Variants in KIF5A observed in about 807,000 individuals in gnomAD.
KIF5A encodes the protein kinesin heavy chain isoform 5A.
A neutral mutation model predicts 141.3 loss-of-function variants in KIF5A; 35 were observed. That is an observed-to-expected ratio of 0.25 (90% CI 0.19 to 0.33). The LOEUF (loss-of-function observed/expected upper bound fraction) is 0.33, where lower values mean the gene tolerates loss of function less well. Among genes scored for constraint, KIF5A ranks in the 10% least tolerant of loss-of-function variants. KIF5A has a pLI of 1.00. For synonymous variants in KIF5A, 448 were observed against 500.2 expected (o/e 0.90, Z 1.39); for missense variants, 861 against 1,314.3 (o/e 0.66, Z 5.33).
At chr12:57,567,862 G>A (rs1272765604) in intron 8 of KIF5A, among the ~76,000 whole-genome samples, 1 of 151,022 alleles carries the variant, frequency 6.6e-6, no homozygotes, top group Non-Finnish European at 1.5e-5. Context: ...GGATTTCACT[G>A]TGTTGGCCAG....
At chr12:57,565,388 T>A (rs1882034119) in intron 6 of KIF5A, among the ~76,000 whole-genome samples, 1 of 151,786 alleles carries the variant, frequency 6.6e-6, no homozygotes, top group East Asian at 1.9e-4. Context: ...GCCACTGCAC[T>A]CCAGCCTGGG....
rs147627839 is a variant in KIF5A, at chr12:57,562,282, C to G, written c.130-1157C>G. On this transcript the variant is annotated intron_variant, in intron 1 of 28. Coordinates refer to ENST00000455537, the MANE Select transcript of KIF5A (RefSeq NM_004984.4). The stretch of plus-strand genomic sequence containing the variant: ...CCAGGCTGGAGTGCAGTGGCGCAAT[C>G]TTGGCTCACTGCAACCTCCGCCTCC... Among the ~76,000 whole-genome samples, 780 of 152,334 alleles carry G rather than the reference C, an allele frequency of 5.1e-3. 4 individuals carry two copies. Among genetic ancestry groups the G allele is most frequent in the African/African-American group, 0.017 (721 of 41,578 alleles).
intron 19 of KIF5A, 51 bp downstream of exon 19, chr12:57,576,429 C>A: frequency 7.3e-7 from 1 of 1,360,850 alleles, no homozygotes; most frequent in Non-Finnish European, 1.0e-6. Flanking sequence ...TGTCACCTTG[C>A]TGTATTGACT....
intron 1 of KIF5A, among the ~76,000 whole-genome samples, chr12:57,553,177 C>T (rs928358305): frequency 6.6e-6 from 1 of 152,182 alleles, no homozygotes; most frequent in Admixed American, 6.5e-5. Context: ...TCTTTCTCAG[C>T]AGTGTCCCAG....
At chr12:57,567,238 C>T in intron 7 of KIF5A, 25 bp downstream of exon 7, 3 of 1,558,872 alleles carry the variant, frequency 1.9e-6, no homozygotes, top group Non-Finnish European at 1.8e-6. Context: ...AAGGGGATCT[C>T]TCGAGTCTGA....
intron 1 of KIF5A, among the ~76,000 whole-genome samples, chr12:57,558,757 A>G (rs1881821456): frequency 6.6e-6 from 1 of 152,090 alleles, no homozygotes; most frequent in South Asian, 2.1e-4. Context: ...GCACATAAAG[A>G]TTTATCTCAT....
chr12:57,562,806 A>G (rs764710277), intron 1 of KIF5A, among the ~76,000 whole-genome samples: 12 of 152,112 alleles, frequency 7.9e-5, no homozygotes, highest in Non-Finnish European at 1.3e-4. Context: ...ATTGTTCTTC[A>G]ATTTTCATCA....
At chr12:57,564,877 G>T (rs757005842) in intron 5 of KIF5A, 41 bp from the exon 6 acceptor site, 1 of 1,595,020 alleles carries the variant, frequency 6.3e-7, no homozygotes, top group Non-Finnish European at 8.6e-7. Context: ...TGGGGGCGGT[G>T]GAAGTACTAG....
At chr12:57,551,164 G>A (rs1881560697) in intron 1 of KIF5A, among the ~76,000 whole-genome samples, 1 of 152,114 alleles carries the variant, frequency 6.6e-6, no homozygotes, top group South Asian at 2.1e-4. Context: ...CCAATAGAAA[G>A]TAGCCATCCA....
At chr12:57,574,847 T>C (rs1318501653) in intron 15 of KIF5A, among the ~76,000 whole-genome samples, 2 of 152,146 alleles carry the variant, frequency 1.3e-5, no homozygotes, top group African/African-American at 2.4e-5. Flanking sequence ...CCTCCCAAAG[T>C]GCTGAGATTA....
Position 57,564,959 on chromosome 12 carries a change from G to A in KIF5A, c.487G>A (p.Val163Met). ...NLSVHEDKNRVPFVKGCTERF... is the reference protein window; with the variant it reads ...NLSVHEDKNRMPFVKGCTERF... ...GTCCGTGCACGAGGACAAGAACCGGGTGCCATTTGTCAAGGTGAGAGTGGG... is the reference window on the plus strand; with the variant it reads ...GTCCGTGCACGAGGACAAGAACCGGATGCCATTTGTCAAGGTGAGAGTGGG... The change falls in exon 6 of 29, where the codon GTG becomes ATG. Residue 163 changes from valine (V) to methionine (M), a missense_variant. Transcript: ENST00000455537. 1 of 1,614,224 alleles carries A rather than the reference G, an allele frequency of 6.2e-7. No homozygotes were observed. The highest frequency in any genetic ancestry group is 2.2e-5 in the East Asian group (1 of 44,884).
At chr12:57,574,988 C>G in intron 15 of KIF5A, 96 bp from the exon 16 acceptor site, 1 of 1,075,282 alleles carries the variant, frequency 9.3e-7, no homozygotes, top group Non-Finnish European at 1.4e-6. Flanking sequence ...TGAGTCCCTG[C>G]GTATGTGGGT....
chr12:57,563,308 C>A (rs1881967665), intron 1 of KIF5A, 131 bp from the exon 2 acceptor site: 1 of 739,990 alleles, frequency 1.4e-6, no homozygotes. Context: ...CCCGGCCATT[C>A]TCCCACATTT....
intron 5 of KIF5A, 79 bp downstream of exon 5, chr12:57,564,587 T>C: frequency 8.5e-7 from 1 of 1,176,128 alleles, no homozygotes; most frequent in Non-Finnish European, 1.3e-6. Flanking sequence ...TGGAATTAGG[T>C]ACCAATTGAC....
intron 1 of KIF5A, among the ~76,000 whole-genome samples, chr12:57,560,185 C>A (rs974249607): frequency 9.2e-5 from 14 of 152,176 alleles, no homozygotes; most frequent in African/African-American, 3.4e-4. Context: ...AGCCACCATG[C>A]CTAGCCAGTT....
rs1882747083 is a variant in KIF5A, at chr12:57,585,942, A to AT, written c.*1761_*1762insT. ...TTTTTTTTTTTTTTTTTTTGGTGGA[A>AT]GAAGTCTCAGCGTCTCTTAGGACTG... On this transcript the variant is annotated 3_prime_UTR_variant, in exon 29 of 29. Coordinates refer to ENST00000455537, the MANE Select transcript of KIF5A (RefSeq NM_004984.4). 1.4e-5 allele frequency: 2 copies of AT among 145,708 alleles called. No individual in the cohort carries two copies. The highest frequency in any genetic ancestry group is 4.0e-4 in the East Asian group (2 of 4,974). 9.0% of individuals were successfully genotyped at this position (145,708 alleles called of 1,614,324 possible).
In KIF5A at chr12:57,569,696, T is replaced by C. The variant is rs1882186079; in HGVS notation, c.1117+13T>C. 8.7e-6 allele frequency: 14 copies of C among 1,612,492 alleles called. No individual in the cohort carries two copies. The highest frequency in any genetic ancestry group is 1.8e-4 in the Middle Eastern group (1 of 5,690). ...CGGTGGCGCAATGGTTAGAGAGGGA[T>C]AGGTGGGAGTGAGGGGCAGTGGGAA... On this transcript the variant is annotated intron_variant, in intron 11 of 28. Coordinates refer to ENST00000455537, the MANE Select transcript of KIF5A (RefSeq NM_004984.4).
chr12:57,571,956 A>G (rs540580695), intron 13 of KIF5A, 105 bp from the exon 14 acceptor site: 1 of 903,546 alleles, frequency 1.1e-6, no homozygotes, highest in East Asian at 2.6e-5. Context: ...ACTTCCTCTT[A>G]ACTCTTTATT....
At chr12:57,561,735 CA>C (rs1881914634) in intron 1 of KIF5A, among the ~76,000 whole-genome samples, 1 of 151,996 alleles carries the variant, frequency 6.6e-6, no homozygotes, top group African/African-American at 2.4e-5. Context: ...ATGCAGGATA[CA>C]AAATGAAAAA....
Sources: allele counts gnomAD v4.1 joint callset (sites outside exome capture counted in the v4.1 genomes callset), GRCh38; gene constraint gnomAD v4.1.1; transcripts MANE v1.5; gene names NCBI Gene and HGNC (gene_info 2026-07-23, HGNC 2026-07-21).